The following ADGRL4 variants were observed in gnomAD, a reference collection of about 807,000 sequenced individuals.
The protein encoded by ADGRL4 is adhesion G protein-coupled receptor L4, also known as EGF, latrophilin and seven transmembrane domain containing 1.
A neutral mutation model predicts 74.8 loss-of-function variants in ADGRL4; 90 were observed. The ratio of observed to expected loss-of-function variants is 1.20; its 90% confidence interval spans 1.02 to 1.43. The LOEUF is 1.43. Ranked by LOEUF, ADGRL4 falls within the 40% of genes most tolerant of loss-of-function variation. The pLI is 0.00. For synonymous variants in ADGRL4, 311 were observed against 279.2 expected (o/e 1.11, Z -1.14); for missense variants, 881 against 814.3 (o/e 1.08, Z -1.00).
intron 2 of ADGRL4, among the ~76,000 whole-genome samples, chr1:78,965,937 C>T (rs1650047080): frequency 6.7e-6 from 1 of 149,622 alleles, no homozygotes; most frequent in African/African-American, 2.5e-5. Flanking sequence ...AAGAACTATT[C>T]TTCAATGAAA....
rs1648231710 is a variant in ADGRL4, at chr1:78,889,985, T to C, written c.*1169A>G. The C allele has an allele frequency of 4.1e-6, 1 of 245,446 alleles. No individual in the cohort carries two copies. The highest frequency in any genetic ancestry group is 5.8e-5 in the Admixed American group (1 of 17,338). The allele number at this position is 245,446 out of a possible 1,614,324, so 15.2% of individuals were successfully genotyped here. A position where few individuals can be genotyped will look rare whatever the true frequency, so the allele number is the denominator to read the frequency against. ...ATATATTTAAGCAGATATGATTTAA[T>C]AGATAGTAGAAAACTGTCAGAAAAT... is the stretch of plus-strand genomic sequence containing the variant. On this transcript the variant is annotated 3_prime_UTR_variant, in exon 15 of 15. Transcript: ENST00000370742.
intron 2 of ADGRL4, among the ~76,000 whole-genome samples, chr1:78,956,659 G>A (rs1649835715): frequency 6.6e-6 from 1 of 152,046 alleles, no homozygotes; most frequent in Admixed American, 6.6e-5. Context: ...ATAATAAAAT[G>A]TAATATTGTT....
intron 3 of ADGRL4, among the ~76,000 whole-genome samples, chr1:78,943,848 A>G (rs1239729262): frequency 6.6e-6 from 1 of 152,214 alleles, no homozygotes; most frequent in African/African-American, 2.4e-5. Flanking sequence ...TTTTCACTGA[A>G]TAATCCATCA....
intron 12 of ADGRL4, among the ~76,000 whole-genome samples, chr1:78,899,692 T>A (rs1333233754): frequency 1.3e-5 from 2 of 152,142 alleles, no homozygotes; most frequent in East Asian, 3.9e-4. Context: ...AATTTTAAAT[T>A]GTGCTCTATT....
chr1:78,921,319 G>A (rs1331233850), intron 9 of ADGRL4, among the ~76,000 whole-genome samples: 2 of 150,268 alleles, frequency 1.3e-5, no homozygotes, highest in Non-Finnish European at 3.0e-5. Flanking sequence ...CATTAAAATG[G>A]GCAAATGGCT....
At chr1:78,998,620 C>T (rs1358455933) in intron 2 of ADGRL4, among the ~76,000 whole-genome samples, 2 of 152,098 alleles carry the variant, frequency 1.3e-5, no homozygotes, top group Non-Finnish European at 2.9e-5. Context: ...CCTGCCTCGG[C>T]TTAGCAAAGT....
chr1:78,964,990 T>G (rs1650025670), intron 2 of ADGRL4, among the ~76,000 whole-genome samples: 1 of 150,050 alleles, frequency 6.7e-6, no homozygotes, highest in Admixed American at 6.7e-5. Flanking sequence ...TAGAATTGTT[T>G]TTAGCAAAAA....
intron 7 of ADGRL4, among the ~76,000 whole-genome samples, chr1:78,932,936 C>A (rs1021145487): frequency 3.3e-5 from 5 of 151,306 alleles, no homozygotes; most frequent in South Asian, 2.1e-4. Context: ...TAATTAGTAA[C>A]CTCCCAAACA....
At chr1:78,928,354 ACTT>A (rs1333954238) in intron 7 of ADGRL4, among the ~76,000 whole-genome samples, 1 of 151,374 alleles carries the variant, frequency 6.6e-6, no homozygotes, top group Non-Finnish European at 1.5e-5. Context: ...AGGGTTTTGA[ACTT>A]CTTCAATTCC....
chr1:78,955,682 A>AT (rs967572112), intron 2 of ADGRL4, among the ~76,000 whole-genome samples: 2 of 151,796 alleles, frequency 1.3e-5, no homozygotes, highest in African/African-American at 2.4e-5. Context: ...GTAATCATTC[A>AT]TTTTTTTCCT....
At chr1:78,956,734 C>G (rs915825948) in intron 2 of ADGRL4, among the ~76,000 whole-genome samples, 1 of 151,876 alleles carries the variant, frequency 6.6e-6, no homozygotes, top group African/African-American at 2.4e-5. Flanking sequence ...TTTGAGAAAA[C>G]AACAATAAAG....
chr1:78,970,765 T>C (rs1422797420), intron 2 of ADGRL4, among the ~76,000 whole-genome samples: 2 of 152,172 alleles, frequency 1.3e-5, no homozygotes, highest in Non-Finnish European at 2.9e-5. Flanking sequence ...CTCTGTCCTC[T>C]CTTCACAGAT....
chr1:78,906,418 C>T (rs1453511811), intron 12 of ADGRL4, among the ~76,000 whole-genome samples: 2 of 151,864 alleles, frequency 1.3e-5, no homozygotes, highest in East Asian at 3.9e-4. Context: ...GCAGAGAGAA[C>T]TGGACATCTG....
rs146251202 is a variant in ADGRL4 at position 78,993,306 on chromosome 1, T to C, written c.172+11764A>G. ...ATGATAATAAACAAAATAAATTTTG[T>C]AAAATGTGAAATTGTAACAGCATAA... is the stretch of plus-strand genomic sequence containing the variant. On this transcript the variant is annotated intron_variant, in intron 2 of 14. Transcript: ENST00000370742. Among the ~76,000 whole-genome samples the C allele has an allele frequency of 3.3e-3, 503 of 152,242 alleles. 7 individuals are homozygous for C. The highest frequency in any genetic ancestry group is 0.012 in the African/African-American group (480 of 41,550).
chr1:78,939,259 C>G lies in ADGRL4; in HGVS notation c.326-1G>C. ...AAATGGCAGTTTGCATTCACATTTT[C>G]TGTAAAAAAAGAAAATAGATTATAC... On this transcript the variant is annotated splice_acceptor_variant, in intron 3 of 14. Coordinates refer to ENST00000370742, the MANE Select transcript of ADGRL4 (RefSeq NM_022159.4). LOFTEE classifies it high-confidence loss of function. 6.4e-7 allele frequency: 1 copy of G among 1,559,788 alleles called. No homozygotes were observed. The highest frequency in any genetic ancestry group is 8.7e-7 in the Non-Finnish European group (1 of 1,155,170).
intron 12 of ADGRL4, among the ~76,000 whole-genome samples, chr1:78,910,219 C>G (rs899166020): frequency 1.3e-5 from 2 of 151,698 alleles, no homozygotes; most frequent in South Asian, 4.1e-4. Context: ...ATAAGAATGT[C>G]TTACATAATA....
chr1:78,932,572 T>C (rs1167317490), intron 7 of ADGRL4, among the ~76,000 whole-genome samples: 2 of 124,376 alleles, frequency 1.6e-5, no homozygotes, highest in Admixed American at 9.0e-5. Context: ...ATAACTAAGA[T>C]CAGAGCAGAG....
At chr1:78,948,454 T>C (rs998957138) in intron 2 of ADGRL4, among the ~76,000 whole-genome samples, 2 of 152,264 alleles carry the variant, frequency 1.3e-5, no homozygotes, top group East Asian at 3.9e-4. Flanking sequence ...TAAGATACTT[T>C]GTTCAGATTT....
At chr1:78,902,858 C>A (rs1648547546) in intron 12 of ADGRL4, among the ~76,000 whole-genome samples, 1 of 151,944 alleles carries the variant, frequency 6.6e-6, no homozygotes, top group East Asian at 1.9e-4. Flanking sequence ...CATCTGTCCT[C>A]ATTGTTCTCT....
Sources: gnomAD v4.1 joint callset for allele counts (sites outside exome capture counted in the v4.1 genomes callset) on GRCh38, gnomAD v4.1.1 for gene constraint, MANE v1.5 for transcripts, NCBI Gene and HGNC (gene_info 2026-07-23, HGNC 2026-07-21) for gene names.